Variants in KCNQ5 observed in about 807,000 individuals in gnomAD.
KCNQ5 encodes potassium voltage-gated channel subfamily KQT member 5.
KCNQ5 carries 30 observed loss-of-function variants against 98.2 expected under a neutral mutation model. The ratio of observed to expected loss-of-function variants is 0.31; its 90% CI spans 0.23 to 0.41. The LOEUF (loss-of-function observed/expected upper bound fraction) is 0.41, where lower values mean the gene tolerates loss of function less well. KCNQ5 is among the 10% of genes least tolerant of loss of function. The pLI, the probability that KCNQ5 is intolerant of heterozygous loss-of-function variation, is 1.00. For synonymous variants in KCNQ5, 458 were observed against 449.4 expected (o/e 1.02, Z -0.24); for missense variants, 835 against 1,182.5 (o/e 0.71, Z 4.31).
chr6:73,183,377 CA>C (rs1778466477), intron 11 of KCNQ5, among the ~76,000 whole-genome samples: 1 of 152,156 alleles, frequency 6.6e-6, no homozygotes, highest in Non-Finnish European at 1.5e-5. Flanking sequence ...TGACAGAATG[CA>C]GGTAAAGTAC....
intron 1 of KCNQ5, among the ~76,000 whole-genome samples, chr6:72,911,070 G>A (rs1779924464): frequency 6.6e-6 from 1 of 152,162 alleles, no homozygotes; most frequent in Non-Finnish European, 1.5e-5. Context: ...TGTATCCCAA[G>A]GGCAATGGAA....
At chr6:72,926,504 A>C (rs532933289) in intron 1 of KCNQ5, among the ~76,000 whole-genome samples, 1 of 152,076 alleles carries the variant, frequency 6.6e-6, no homozygotes, top group African/African-American at 2.4e-5. Flanking sequence ...GTACCTAATG[A>C]CTCCCTAAGC....
At chr6:73,076,056 A>G (rs1773526507) in intron 3 of KCNQ5, among the ~76,000 whole-genome samples, 1 of 152,044 alleles carries the variant, frequency 6.6e-6, no homozygotes, top group Admixed American at 6.6e-5. Context: ...AGGAGAGGAG[A>G]GGGGAAGAAG....
In KCNQ5 at chr6:72,962,142, C is replaced by T. The variant is rs1422399693; in HGVS notation, c.399-41766C>T. ...GCAGCGAGCCAAGATCATGCCACTGCACTCTAACCTGGGTGACAGAGTGAG... is the reference window on the plus strand; with the variant it reads ...GCAGCGAGCCAAGATCATGCCACTGTACTCTAACCTGGGTGACAGAGTGAG... On this transcript the variant is annotated intron_variant, in intron 1 of 13. Coordinates refer to ENST00000370398, the MANE Select transcript of KCNQ5 (RefSeq NM_019842.4). Among the ~76,000 whole-genome samples, 6 of 150,164 alleles carry T rather than the reference C, an allele frequency of 4.0e-5. No homozygotes were observed. The South Asian group carries it at 1.3e-3, about 32-fold the overall frequency.
chr6:72,717,112 T>G (rs1262107416), intron 1 of KCNQ5, among the ~76,000 whole-genome samples: 1 of 152,238 alleles, frequency 6.6e-6, no homozygotes, highest in Non-Finnish European at 1.5e-5. Context: ...CTCACTGGCA[T>G]AATCTGATGA....
chr6:72,732,404 G>A (rs1025312504), intron 1 of KCNQ5, among the ~76,000 whole-genome samples: 2 of 152,114 alleles, frequency 1.3e-5, no homozygotes, highest in African/African-American at 4.8e-5. Context: ...GGGAGGAGGT[G>A]GTGGGAGGAT....
chr6:72,662,731 T>C (rs1409349974), intron 1 of KCNQ5, among the ~76,000 whole-genome samples: 3 of 152,154 alleles, frequency 2.0e-5, no homozygotes, highest in South Asian at 2.1e-4. Flanking sequence ...TTTTAGGAGA[T>C]TGCTTTGTTG....
At chr6:72,658,755 T>C (rs758128832) in intron 1 of KCNQ5, among the ~76,000 whole-genome samples, 6 of 151,330 alleles carry the variant, frequency 4.0e-5, no homozygotes, top group Non-Finnish European at 8.8e-5. Context: ...AACTTTTGTA[T>C]TTTTCGTAGA....
chr6:72,720,785 C>T (rs764630985), intron 1 of KCNQ5, among the ~76,000 whole-genome samples: 2 of 152,266 alleles, frequency 1.3e-5, no homozygotes, highest in Middle Eastern at 3.4e-3. Flanking sequence ...GGGATTTGTT[C>T]AAGGTCCCAG....
chr6:72,771,086 G>C (rs1252113271), intron 1 of KCNQ5, among the ~76,000 whole-genome samples: 2 of 152,148 alleles, frequency 1.3e-5, no homozygotes, highest in African/African-American at 4.8e-5. Flanking sequence ...TGAAGGAGCA[G>C]ATAAAGGAGT....
intron 1 of KCNQ5, among the ~76,000 whole-genome samples, chr6:72,979,321 T>A (rs1374433772): frequency 6.6e-6 from 1 of 152,230 alleles, no homozygotes; most frequent in South Asian, 2.1e-4. Context: ...TTTCTCCACA[T>A]CCTCTCCAGC....
intron 1 of KCNQ5, among the ~76,000 whole-genome samples, chr6:72,840,892 T>C (rs781306534): frequency 1.3e-5 from 2 of 152,196 alleles, no homozygotes; most frequent in African/African-American, 2.4e-5. Context: ...GTTAAGCTTA[T>C]GGATGGTTGT....
intron 1 of KCNQ5, among the ~76,000 whole-genome samples, chr6:72,984,147 G>A (rs1009328764): frequency 2.6e-5 from 4 of 152,212 alleles, no homozygotes; most frequent in African/African-American, 9.6e-5. Context: ...CTGTCTCCCA[G>A]TTAGGCTACA....
chr6:72,726,088 A>C (rs1016477011), intron 1 of KCNQ5, among the ~76,000 whole-genome samples: 8 of 135,258 alleles, frequency 5.9e-5, no homozygotes, highest in Non-Finnish European at 1.2e-4. Context: ...TTATCTAAGA[A>C]AAAAATTGAT....
chr6:73,102,714 C>T (rs1432020045), intron 5 of KCNQ5, among the ~76,000 whole-genome samples: 4 of 151,986 alleles, frequency 2.6e-5, no homozygotes, highest in African/African-American at 9.7e-5. Flanking sequence ...CAGTAAATGA[C>T]AGGCACTAAC....
chr6:72,841,068 A>G (rs1448161456), intron 1 of KCNQ5, among the ~76,000 whole-genome samples: 1 of 152,188 alleles, frequency 6.6e-6, no homozygotes, highest in African/African-American at 2.4e-5. Flanking sequence ...ACAATACGTA[A>G]TATAGAATTG....
At chr6:72,788,956 C>T (rs1420385047) in intron 1 of KCNQ5, among the ~76,000 whole-genome samples, 1 of 152,058 alleles carries the variant, frequency 6.6e-6, no homozygotes, top group Non-Finnish European at 1.5e-5. Flanking sequence ...AGTTTTCGAC[C>T]CTAGCTTCAC....
intron 3 of KCNQ5, chr6:73,055,588 G>A: frequency 7.4e-7 from 1 of 1,351,122 alleles, no homozygotes; most frequent in Non-Finnish European, 1.1e-6. Flanking sequence ...TGCCCTTCTG[G>A]AATGAAGAAG....
At chr6:73,029,345 C>T (rs1771031066) in intron 2 of KCNQ5, among the ~76,000 whole-genome samples, 1 of 152,024 alleles carries the variant, frequency 6.6e-6, no homozygotes, top group Non-Finnish European at 1.5e-5. Context: ...CCCATGAATT[C>T]CTGGATTCAG....
Sources: allele counts gnomAD v4.1 joint callset (sites outside exome capture counted in the v4.1 genomes callset), GRCh38; gene constraint gnomAD v4.1.1; transcripts MANE v1.5; gene names NCBI Gene and HGNC (gene_info 2026-07-23, HGNC 2026-07-21).